RAD51B: variants seen among roughly 807,000 people sequenced by gnomAD.
RAD51B encodes DNA repair protein RAD51 homolog 2.
Under a neutral mutation model 42.2 loss-of-function variants are expected in RAD51B, and 38 were observed. The ratio of observed to expected loss-of-function variants is 0.90; its 90% confidence interval spans 0.70 to 1.18. The LOEUF (loss-of-function observed/expected upper bound fraction) is 1.18, where lower values mean the gene tolerates loss of function less well. Ranked by LOEUF, RAD51B falls within the 50% of genes most tolerant of loss-of-function variation. The pLI is 0.00. For synonymous variants in RAD51B, 154 were observed against 145.2 expected, an observed-to-expected ratio of 1.06 and a Z score of -0.43; for missense variants, 373 against 400.7, an observed-to-expected ratio of 0.93 and a Z score of 0.59.
chr14:68,326,543 C>T (rs1361108331), intron 8 of RAD51B, among the ~76,000 whole-genome samples: 1 of 152,080 alleles, frequency 6.6e-6, no homozygotes, highest in Non-Finnish European at 1.5e-5. Context: ...GTTCTTCTTC[C>T]AGCCCAGTCT....
At position 68,391,810 on chromosome 14, in the gene RAD51B, A is replaced by G. The variant is rs141338867; in HGVS notation, c.854-19614A>G. Reference sequence around the variant, plus strand: ...CCAGGCCAATAGAAACAACTCAGATATTACAAAAATGTGTTTCTTTCTGGC... The same window carrying G: ...CCAGGCCAATAGAAACAACTCAGATGTTACAAAAATGTGTTTCTTTCTGGC... On this transcript the variant is annotated intron_variant, in intron 8 of 10. Coordinates refer to ENST00000471583, the MANE Select transcript of RAD51B (RefSeq NM_133510.4). Among the ~76,000 whole-genome samples, 196 of 152,288 alleles carry G rather than the reference A, an allele frequency of 1.3e-3. 1 individual carries two copies. The highest frequency in any genetic ancestry group is 4.5e-3 in the African/African-American group (188 of 41,554).
chr14:68,600,974 C>T (rs917771246), downstream of RAD51B, among the ~76,000 whole-genome samples: 1 of 144,726 alleles, frequency 6.9e-6, no homozygotes, highest in Non-Finnish European at 1.5e-5. Flanking sequence ...GTGTGGGTAC[C>T]CGTGAAACAC....
In RAD51B at chr14:67,887,176, A is replaced by G. The variant is rs34594234; in HGVS notation, c.728A>G (p.Lys243Arg). The change falls in exon 7 of 11, where the codon AAG becomes AGG. Residue 243 changes from lysine to arginine, a missense_variant. Coordinates refer to ENST00000471583, the MANE Select transcript of RAD51B (RefSeq NM_133510.4). ...KFLAREASSL[K>R]YLAEEFSIPV... Reference sequence around the variant, plus strand: ...TTGGCAAGAGAGGCATCCTCCTTGAAGTATTTGGCTGAGGAGTTTTCAATC... The same window carrying G: ...TTGGCAAGAGAGGCATCCTCCTTGAGGTATTTGGCTGAGGAGTTTTCAATC... 16,218 of 1,610,888 alleles carry G rather than the reference A, an allele frequency of 0.01. 111 individuals carry two copies. Among genetic ancestry groups the G allele is most frequent in the Non-Finnish European group, 0.012 (14,366 of 1,178,416 alleles).
At chr14:68,112,818 C>A (rs2077480400) in intron 7 of RAD51B, among the ~76,000 whole-genome samples, 1 of 152,128 alleles carries the variant, frequency 6.6e-6, no homozygotes, top group African/African-American at 2.4e-5. Context: ...TGAGACTTCA[C>A]TATAAAGGTA....
intron 8 of RAD51B, among the ~76,000 whole-genome samples, chr14:68,378,521 A>G (rs1453809004): frequency 6.6e-6 from 1 of 152,234 alleles, no homozygotes; most frequent in Non-Finnish European, 1.5e-5. Context: ...AGTCCCTTAT[A>G]TAAAATCACA....
intron 5 of RAD51B, among the ~76,000 whole-genome samples, chr14:67,878,807 C>A (rs1362157168): frequency 6.6e-6 from 1 of 152,112 alleles, no homozygotes; most frequent in African/African-American, 2.4e-5. Flanking sequence ...TCAAGCGATT[C>A]TCCTTACTCA....
At chr14:68,202,675 C>T (rs895407733) in intron 7 of RAD51B, among the ~76,000 whole-genome samples, 8 of 149,288 alleles carry the variant, frequency 5.4e-5, no homozygotes, top group African/African-American at 1.7e-4. Context: ...CTCTGCTTCC[C>T]GGGTTAAAGC....
chr14:68,016,304 C>A (rs2075777189), intron 7 of RAD51B, among the ~76,000 whole-genome samples: 1 of 151,914 alleles, frequency 6.6e-6, no homozygotes, highest in African/African-American at 2.4e-5. Flanking sequence ...GTAAAAAGCC[C>A]CCAGTTTGTT....
At chr14:68,399,789 G>C (rs896884304) in intron 8 of RAD51B, among the ~76,000 whole-genome samples, 38 of 152,210 alleles carry the variant, frequency 2.5e-4, no homozygotes, top group African/African-American at 8.7e-4. Context: ...AATTAGTATT[G>C]ATACAATACT....
chr14:68,349,781 A>G (rs766017614), intron 8 of RAD51B, among the ~76,000 whole-genome samples: 32 of 152,240 alleles, frequency 2.1e-4, no homozygotes, highest in Non-Finnish European at 4.3e-4. Context: ...CATTTCAGAC[A>G]GCCCAGGTGA....
chr14:68,314,847 C>G (rs1250033506), intron 8 of RAD51B, among the ~76,000 whole-genome samples: 1 of 152,166 alleles, frequency 6.6e-6, no homozygotes, highest in East Asian at 1.9e-4. Context: ...CCCTCCCCAC[C>G]CACTGCCACC....
intron 7 of RAD51B, among the ~76,000 whole-genome samples, chr14:68,092,911 G>C (rs896387110): frequency 1.7e-4 from 25 of 150,966 alleles, no homozygotes; most frequent in African/African-American, 5.6e-4. Flanking sequence ...TAGCATGAAG[G>C]GTCGTTGAAT....
chr14:68,091,917 A>C (rs1294185156), intron 7 of RAD51B, among the ~76,000 whole-genome samples: 2 of 152,094 alleles, frequency 1.3e-5, no homozygotes, highest in Non-Finnish European at 2.9e-5. Flanking sequence ...TTCTACATAT[A>C]GCTAGCCAGT....
intron 8 of RAD51B, among the ~76,000 whole-genome samples, chr14:68,370,609 T>C (rs1333643878): frequency 2.0e-5 from 3 of 152,202 alleles, no homozygotes; most frequent in Non-Finnish European, 4.4e-5. Context: ...TCAGCAAACA[T>C]AACACTAATC....
At chr14:67,952,289 T>A (rs980310497) in intron 7 of RAD51B, among the ~76,000 whole-genome samples, 3 of 152,066 alleles carry the variant, frequency 2.0e-5, no homozygotes, top group African/African-American at 4.8e-5. Context: ...TTTTGAAGTG[T>A]CATTGTCAAT....
chr14:68,168,136 C>T (rs1275794145), intron 7 of RAD51B, among the ~76,000 whole-genome samples: 3 of 152,026 alleles, frequency 2.0e-5, no homozygotes, highest in South Asian at 2.1e-4. Flanking sequence ...CACATAGTCA[C>T]GGACCCACAG....
At chr14:68,646,336 A>G (rs1012328614) in intron 10 of RAD51B, among the ~76,000 whole-genome samples, 3 of 152,166 alleles carry the variant, frequency 2.0e-5, no homozygotes, top group African/African-American at 7.2e-5. Flanking sequence ...CAAAGTTTTG[A>G]CTATGAATGA....
intron 3 of RAD51B, among the ~76,000 whole-genome samples, chr14:67,826,240 T>G (rs574400320): frequency 3.3e-5 from 5 of 152,366 alleles, no homozygotes; most frequent in Admixed American, 2.6e-4. Flanking sequence ...TTTGATATAC[T>G]GACCTTTACC....
At chr14:67,844,693 A>G (rs1419067695) in intron 4 of RAD51B, among the ~76,000 whole-genome samples, 1 of 151,446 alleles carries the variant, frequency 6.6e-6, no homozygotes, top group Non-Finnish European at 1.5e-5. Context: ...ATATGTATAC[A>G]TGTGCCATGT....
Sources: gnomAD v4.1 joint callset for allele counts (sites outside exome capture counted in the v4.1 genomes callset) on GRCh38, gnomAD v4.1.1 for gene constraint, MANE v1.5 for transcripts, NCBI Gene and HGNC (gene_info 2026-07-23, HGNC 2026-07-21) for gene names.